The following ARHGEF1 variants were observed in gnomAD, a reference collection of about 807,000 sequenced individuals.
ARHGEF1 encodes 115 kDa guanine nucleotide exchange factor.
A neutral mutation model predicts 119.7 loss-of-function variants in ARHGEF1; 40 were observed. The ratio of observed to expected loss-of-function variants is 0.33; its 90% CI spans 0.26 to 0.44. ARHGEF1 has a LOEUF of 0.44. Among genes scored for constraint, ARHGEF1 ranks in the 20% least tolerant of loss-of-function variants. The probability of loss-of-function intolerance (pLI) is 1.00; values close to 1 mark genes in which losing one functional copy is unlikely to be tolerated. For missense variants in ARHGEF1, 976 were observed against 1,268.3 expected, an observed-to-expected ratio of 0.77 and a Z score of 3.50; for synonymous variants, 494 against 521.0, an observed-to-expected ratio of 0.95 and a Z score of 0.71.
chr19:41,907,062 T>A (rs2074713812), intron 28 of ARHGEF1, 43 bp from the exon 29 acceptor site: 3 of 1,447,128 alleles, frequency 2.1e-6, no homozygotes, highest in Non-Finnish European at 2.7e-6. Flanking sequence ...CCTGTCTCTC[T>A]CTCCATCTCT....
chr19:41,914,322 C>A (rs1555851567), intron 18 of ARHGEF1, among the ~76,000 whole-genome samples: 1 of 151,352 alleles, frequency 6.6e-6, no homozygotes, highest in Admixed American at 6.6e-5. Flanking sequence ...CTTCCGTCTC[C>A]CCCCACCATC....
At chr19:41,914,906 C>A (rs868994143) in intron 18 of ARHGEF1, among the ~76,000 whole-genome samples, 11 of 105,412 alleles carry the variant, frequency 1.0e-4, no homozygotes, top group South Asian at 3.5e-4. Context: ...GTCTCTGTCT[C>A]TCCCTCCCCC....
intron 1 of ARHGEF1, chr19:41,884,419 G>T (rs781905593): frequency 6.9e-6 from 11 of 1,600,208 alleles, no homozygotes; most frequent in East Asian, 2.2e-5. Context: ...CGGCAGGGGT[G>T]GGGAGAGTGC....
intron 18 of ARHGEF1, among the ~76,000 whole-genome samples, chr19:41,914,714 CTGT>C (rs2074783096): frequency 3.5e-5 from 1 of 28,936 alleles, no homozygotes; most frequent in Non-Finnish European, 5.6e-5. Flanking sequence ...TCCACCATCT[CTGT>C]CTCTCCCTCC....
At position 41,902,763 on chromosome 19, in the gene ARHGEF1, A is replaced by G. The variant is rs782695686; in HGVS notation, c.1624-21A>G. On this transcript the variant is annotated intron_variant, in intron 17 of 28. Coordinates refer to ENST00000354532, the MANE Select transcript of ARHGEF1 (RefSeq NM_004706.4). This position sits in a 1 kb window ranked among gnomAD's most constrained non-coding sequence, Gnocchi z 6.5. Reference sequence around the variant, plus strand: ...TGAGCCCAAAGCCTGGGCCATCGCAACACCAGCATGTTTCCCGCAGGAAGC... The same window carrying G: ...TGAGCCCAAAGCCTGGGCCATCGCAGCACCAGCATGTTTCCCGCAGGAAGC... 4 of 1,613,324 alleles carry G rather than the reference A, an allele frequency of 2.5e-6. No homozygotes were observed. The South Asian group carries it at 3.3e-5, about 13-fold the overall frequency.
At chr19:41,913,820 A>G (rs191715782) in intron 18 of ARHGEF1, among the ~76,000 whole-genome samples, 296 of 141,286 alleles carry the variant, frequency 2.1e-3, no homozygotes, top group African/African-American at 7.4e-3. Flanking sequence ...CACCCTTGCA[A>G]TCCACTCCCT....
In ARHGEF1 at chr19:41,905,234, G is replaced by T. The variant is rs781883859; in HGVS notation, c.2309G>T (p.Arg770Leu). 6.2e-7 allele frequency: 1 copy of T among 1,613,510 alleles called. No individual in the cohort carries two copies. The highest frequency in any genetic ancestry group is 1.7e-5 in the Admixed American group (1 of 59,972). Residue 770 changes from arginine to leucine, a missense_variant, in exon 24 of 29, where the codon CGC (arginine) becomes CTC (leucine). By Grantham distance (102) the Arg-to-Leu change is moderately radical. Coordinates refer to ENST00000354532, the MANE Select transcript of ARHGEF1 (RefSeq NM_004706.4). The surrounding 1 kb of genome is among the most constrained non-coding windows in gnomAD (Gnocchi z 6.4). ...CTGAAAGTCCCTGCCCCTGCCTCTCGCCCTAAGCCCCGGCCCAGCCCGAGC... is the reference window on the plus strand; with the variant it reads ...CTGAAAGTCCCTGCCCCTGCCTCTCTCCCTAAGCCCCGGCCCAGCCCGAGC... The part of the protein sequence containing the change: ...GSLKVPAPAS[R>L]PKPRPSPSST...
chr19:41,898,817 C>T (rs2074554472), intron 14 of ARHGEF1, among the ~76,000 whole-genome samples: 1 of 152,170 alleles, frequency 6.6e-6, no homozygotes, highest in African/African-American at 2.4e-5. Context: ...TCTAGTAGTG[C>T]AATACAGTGC....
At chr19:41,891,793 C>T (rs112274748) in intron 4 of ARHGEF1, among the ~76,000 whole-genome samples, 4,125 of 152,180 alleles carry the variant, frequency 0.027, 196 homozygotes, top group African/African-American at 0.094. Context: ...CCACAAAGGA[C>T]CATAGCACAG....
intron 18 of ARHGEF1, among the ~76,000 whole-genome samples, chr19:41,913,978 T>C (rs2074770515): frequency 7.0e-6 from 1 of 142,138 alleles, no homozygotes; most frequent in South Asian, 2.3e-4. Flanking sequence ...AACCCACTCC[T>C]CTTAGACACC....
In ARHGEF1 at chr19:41,892,320, C is replaced by T. The variant is rs782198340; in HGVS notation, c.325-11C>T. 5.6e-6 allele frequency: 9 copies of T among 1,613,866 alleles called. No individual in the cohort carries two copies. Among genetic ancestry groups the T allele is most frequent in the Non-Finnish European group, 7.6e-6 (9 of 1,180,024 alleles). ...AGTCCTCCTCTTCACCCCATTCTCTCTCTTGAGCAGGTTCTCCGGGTGCCG... is the reference window on the plus strand; with the variant it reads ...AGTCCTCCTCTTCACCCCATTCTCTTTCTTGAGCAGGTTCTCCGGGTGCCG... On this transcript the variant is annotated splice_polypyrimidine_tract_variant and intron_variant, in intron 5 of 28. Coordinates refer to ENST00000354532, the MANE Select transcript of ARHGEF1 (RefSeq NM_004706.4). This position sits in a 1 kb window ranked among gnomAD's most constrained non-coding sequence, Gnocchi z 6.3.
At chr19:41,923,011 G>A (rs1390490675), upstream of ARHGEF1, 9 of 392,770 alleles carry the variant, frequency 2.3e-5, no homozygotes, top group Admixed American at 2.1e-4. Flanking sequence ...GGCAGCCTAG[G>A]GAAGAGGCGG....
Position 41,904,824 on chromosome 19 carries a change from G to A in ARHGEF1, c.2162-125G>A, listed in dbSNP as rs1555849779. The A allele has an allele frequency of 1.3e-6, 1 of 756,140 alleles. No homozygotes were observed. Among genetic ancestry groups the A allele is most frequent in the Non-Finnish European group, 2.3e-6 (1 of 436,330 alleles). 46.8% of individuals were successfully genotyped at this position (756,140 alleles called of 1,614,324 possible). A position where few individuals can be genotyped will look rare whatever the true frequency, so the allele number is the denominator to read the frequency against. On this transcript the variant is annotated intron_variant, in intron 22 of 28. Transcript: ENST00000354532. This position sits in a 1 kb window ranked among gnomAD's most constrained non-coding sequence, Gnocchi z 8.4. ...CCTGGATATTAGCAGACAGTGAGTGGTGAGTTGAGCCATGGGAGCCCTGAG... is the reference window on the plus strand; with the variant it reads ...CCTGGATATTAGCAGACAGTGAGTGATGAGTTGAGCCATGGGAGCCCTGAG...
downstream of ARHGEF1, chr19:41,907,700 C>T (rs1401313354): frequency 1.6e-5 from 5 of 319,530 alleles, no homozygotes; most frequent in Admixed American, 9.3e-5. Context: ...CTGGGCACCC[C>T]GAGTCTCACT....
Position 41,917,473 on chromosome 19 carries a change from A to AG in ARHGEF1, c.1866-5617dup, listed in dbSNP as rs2074808692. ...CCACCAGCCCCTTCATCCCTCACCC[A>AG]GGCCCCCCCATCCCCACCTCCCCTT... On this transcript the variant is annotated intron_variant, in intron 18 of 20. Transcript: ENST00000599589. The surrounding 1 kb of genome is among the most constrained non-coding windows in gnomAD (Gnocchi z 4.8). Among the ~76,000 whole-genome samples, 1 of 30,034 alleles carries AG rather than the reference A, an allele frequency of 3.3e-5. No individual in the cohort carries two copies. Among genetic ancestry groups the AG allele is most frequent in the African/African-American group, 1.3e-4 (1 of 7,582 alleles). The allele number at this position is 30,034 out of a possible 152,430, so 19.7% of individuals were successfully genotyped here.
Position 41,894,607 on chromosome 19 carries a change from TCA to T in ARHGEF1, c.842-18_842-17del. ...TCCCCAGCTGCTCCCACTCACTGTC[TCA>T]TTCTCTCTCGTTTCAGTTCCAGATT... is the stretch of plus-strand genomic sequence containing the variant. On this transcript the variant is annotated splice_polypyrimidine_tract_variant and intron_variant, in intron 10 of 28. Coordinates refer to ENST00000354532, the MANE Select transcript of ARHGEF1 (RefSeq NM_004706.4). The T allele has an allele frequency of 6.2e-7, 1 of 1,614,042 alleles. No homozygotes were observed. Among genetic ancestry groups the T allele is most frequent in the South Asian group, 1.1e-5 (1 of 91,088 alleles).
rs1342123154 is a variant in ARHGEF1, at chr19:41,905,694, G to C, written c.2337-66G>C. ...CCTGCCTCCCCACCTCCAGCTCTCT[G>C]TCTCCCTGCCCCTGCGGCCCCCCAG... is the stretch of plus-strand genomic sequence containing the variant. On this transcript the variant is annotated intron_variant, in intron 24 of 28. Transcript: ENST00000354532. This position sits in a 1 kb window ranked among gnomAD's most constrained non-coding sequence, Gnocchi z 6.4. 2 of 1,556,958 alleles carry C rather than the reference G, an allele frequency of 1.3e-6. No individual in the cohort carries two copies. Among genetic ancestry groups the C allele is most frequent in the African/African-American group, 2.7e-5 (2 of 73,550 alleles).
In ARHGEF1 at chr19:41,904,463, C is replaced by T; in HGVS notation, c.2161+80C>T. On this transcript the variant is annotated intron_variant, in intron 22 of 28. Transcript: ENST00000354532. The surrounding 1 kb of genome is among the most constrained non-coding windows in gnomAD (Gnocchi z 8.4). ...TGCCTGTGGAGTGGGGAGCAGAACC[C>T]TCTAGAGAGCCAGGGAGCCAGCATT... 1 of 1,426,060 alleles carries T rather than the reference C, an allele frequency of 7.0e-7. No homozygotes were observed. Among genetic ancestry groups the T allele is most frequent in the Non-Finnish European group, 9.3e-7 (1 of 1,080,618 alleles). 88.3% of individuals were successfully genotyped at this position (1,426,060 alleles called of 1,614,324 possible).
downstream of ARHGEF1, chr19:41,908,139 G>A: frequency 9.4e-7 from 1 of 1,064,030 alleles, no homozygotes. The surrounding 1 kb of genome is among the most constrained non-coding windows in gnomAD (Gnocchi z 6.7). Context: ...GGTGCTGAGG[G>A]CTGGTCCTGG....
Sources: allele counts gnomAD v4.1 joint callset (sites outside exome capture counted in the v4.1 genomes callset), GRCh38; gene constraint gnomAD v4.1.1; non-coding constraint Gnocchi (gnomAD v3.1); transcripts MANE v1.5; gene names NCBI Gene and HGNC (gene_info 2026-07-23, HGNC 2026-07-21).